The following DGKB variants were observed in gnomAD, a reference collection of about 807,000 sequenced individuals.
DGKB encodes diacylglycerol kinase beta, also known as 90 kDa diacylglycerol kinase.
A neutral mutation model predicts 114.3 loss-of-function variants in DGKB; 67 were observed. That is an observed-to-expected ratio of 0.59 (90% CI 0.48 to 0.72). The LOEUF (loss-of-function observed/expected upper bound fraction) is 0.72, where lower values mean the gene tolerates loss of function less well. Ranked by LOEUF, DGKB falls within the 30% of genes least tolerant of loss-of-function variation. The pLI is 0.00. For synonymous variants in DGKB, 398 were observed against 323.1 expected (o/e 1.23, Z -2.49); for missense variants, 907 against 975.2 (o/e 0.93, Z 0.93).
chr7:14,226,391 C>T (rs144780546), intron 23 of DGKB, among the ~76,000 whole-genome samples: 11 of 151,878 alleles, frequency 7.2e-5, no homozygotes, highest in African/African-American at 1.9e-4. Context: ...CTCCTTCTGA[C>T]TCTAAGACTT....
At chr7:14,626,736 T>C (rs1808667534) in intron 14 of DGKB, among the ~76,000 whole-genome samples, 1 of 152,160 alleles carries the variant, frequency 6.6e-6, no homozygotes, top group African/African-American at 2.4e-5. Flanking sequence ...AGCAAAACTA[T>C]TTGCTGACTA....
intron 21 of DGKB, among the ~76,000 whole-genome samples, chr7:14,399,665 T>C (rs1822788095): frequency 6.6e-6 from 1 of 151,792 alleles, no homozygotes. Context: ...AAAAGAAAAC[T>C]TAGAGTTGAT....
intron 22 of DGKB, among the ~76,000 whole-genome samples, chr7:14,340,226 G>A (rs1419147345): frequency 8.6e-6 from 1 of 115,896 alleles, no homozygotes; most frequent in East Asian, 2.7e-4. Context: ...ACTAAATTAA[G>A]ATGATTTCTT....
intron 13 of DGKB, among the ~76,000 whole-genome samples, chr7:14,670,191 T>A (rs948513929): frequency 3.9e-5 from 6 of 151,926 alleles, no homozygotes; most frequent in African/African-American, 1.5e-4. Flanking sequence ...TCCTCACATC[T>A]CCTCATATAG....
chr7:14,537,546 T>C (rs1792710616), intron 20 of DGKB, among the ~76,000 whole-genome samples: 1 of 152,088 alleles, frequency 6.6e-6, no homozygotes, highest in East Asian at 1.9e-4. Context: ...AAAGAGAGTA[T>C]CTTCAATACA....
chr7:14,558,345 C>G (rs906749618), intron 20 of DGKB, among the ~76,000 whole-genome samples: 9 of 151,696 alleles, frequency 5.9e-5, no homozygotes, highest in South Asian at 4.1e-4. Context: ...TCTGAGGATG[C>G]CTTTCACAAT....
intron 23 of DGKB, among the ~76,000 whole-genome samples, chr7:14,197,813 G>T (rs1298871513): frequency 1.3e-5 from 2 of 152,090 alleles, no homozygotes; most frequent in African/African-American, 4.8e-5. Context: ...ATACCTACTA[G>T]TGGTTTCTGT....
At chr7:14,658,956 G>C (rs1226592647) in intron 13 of DGKB, among the ~76,000 whole-genome samples, 3 of 151,808 alleles carry the variant, frequency 2.0e-5, no homozygotes, top group Non-Finnish European at 2.9e-5. Context: ...AGAATGTGCA[G>C]GTTTGTTCCA....
chr7:14,827,780 T>C (rs1309203054), intron 2 of DGKB, among the ~76,000 whole-genome samples: 1 of 152,124 alleles, frequency 6.6e-6, no homozygotes, highest in Non-Finnish European at 1.5e-5. Flanking sequence ...TCCTGTGTTG[T>C]AGACAATGAT....
intron 23 of DGKB, among the ~76,000 whole-genome samples, chr7:14,273,682 C>T (rs1181109240): frequency 2.6e-5 from 4 of 152,330 alleles, no homozygotes; most frequent in Admixed American, 6.5e-5. Context: ...CATACAAATA[C>T]TGGCTGTATC....
At chr7:14,922,322 T>C (rs1337120145) in intron 1 of DGKB, among the ~76,000 whole-genome samples, 1 of 151,888 alleles carries the variant, frequency 6.6e-6, no homozygotes, top group African/African-American at 2.4e-5. Flanking sequence ...CTGTCTCTAG[T>C]ATAACATGAA....
At chr7:14,201,150 C>T (rs1785807262) in intron 23 of DGKB, among the ~76,000 whole-genome samples, 1 of 151,972 alleles carries the variant, frequency 6.6e-6, no homozygotes, top group Non-Finnish European at 1.5e-5. Context: ...TGGTGAGGGC[C>T]TGTTTCCTAG....
intron 5 of DGKB, among the ~76,000 whole-genome samples, chr7:14,734,287 C>T (rs934347136): frequency 3.9e-5 from 6 of 152,006 alleles, no homozygotes; most frequent in Admixed American, 2.0e-4. Flanking sequence ...GATCTGTCCA[C>T]CTCAGCCTCC....
chr7:14,443,622 T>C lies in DGKB; in HGVS notation c.1835+34539A>G, dbSNP rs550074354. On this transcript the variant is annotated intron_variant, in intron 21 of 25. Transcript: ENST00000402815. ...GTTGAATAATCAGTTGTCACTTTAG[T>C]TGTGTTCCTTGGAAGATAATTTGTC... Among the ~76,000 whole-genome samples, 4 of 152,212 alleles carry C rather than the reference T, an allele frequency of 2.6e-5. No individual in the cohort carries two copies. The South Asian group carries it at 8.3e-4, about 32-fold the overall frequency.
In DGKB at chr7:14,601,967, T is replaced by C. The variant is rs1428556015; in HGVS notation, c.1433+5467A>G. 2.0e-5 allele frequency among the ~76,000 whole-genome samples: 3 copies of C among 151,644 alleles called. No individual in the cohort carries two copies. The East Asian group carries it at 5.8e-4, about 30-fold the overall frequency. The stretch of plus-strand genomic sequence containing the variant: ...CCTCTCCTCCTCCTCCTCTACCTCC[T>C]CTTCCTCCTCCTCTTTCTCCTCCTC... On this transcript the variant is annotated intron_variant, in intron 17 of 25. Transcript: ENST00000402815.
chr7:14,491,050 C>T (rs560634337), intron 20 of DGKB, among the ~76,000 whole-genome samples: 60 of 151,842 alleles, frequency 4.0e-4, no homozygotes, highest in Admixed American at 1.2e-3. Flanking sequence ...ATGCAGCTCC[C>T]TAGAAGTGAG....
At chr7:14,593,600 A>AT (rs1241249830) in intron 17 of DGKB, among the ~76,000 whole-genome samples, 1 of 151,886 alleles carries the variant, frequency 6.6e-6, no homozygotes, top group African/African-American at 2.4e-5. Flanking sequence ...TAAAATATAA[A>AT]TTTTTTCTAT....
chr7:14,765,854 G>C (rs1836372170), intron 2 of DGKB, among the ~76,000 whole-genome samples: 1 of 151,884 alleles, frequency 6.6e-6, no homozygotes, highest in Admixed American at 6.6e-5. Context: ...CCAATAGTGT[G>C]CTGGTAAATG....
At chr7:14,836,919 G>A (rs1353250992) in intron 2 of DGKB, among the ~76,000 whole-genome samples, 2 of 152,156 alleles carry the variant, frequency 1.3e-5, no homozygotes, top group African/African-American at 4.8e-5. Flanking sequence ...CCAAACTGTG[G>A]CTCTTTTCTA....
Sources: allele counts gnomAD v4.1 joint callset (sites outside exome capture counted in the v4.1 genomes callset), GRCh38; gene constraint gnomAD v4.1.1; transcripts MANE v1.5; gene names NCBI Gene and HGNC (gene_info 2026-07-23, HGNC 2026-07-21).